The following PDE4D variants were observed in gnomAD, a reference collection of about 807,000 sequenced individuals.
PDE4D encodes the protein 3',5'-cyclic-AMP phosphodiesterase 4D.
A neutral mutation model predicts 87.4 loss-of-function variants in PDE4D; 24 were observed. The observed-to-expected ratio is 0.27, with a 90% CI of 0.20 to 0.39. The LOEUF is 0.39. PDE4D is among the 10% of genes least tolerant of loss of function. The probability of loss-of-function intolerance (pLI) is 1.00; values close to 1 mark genes in which losing one functional copy is unlikely to be tolerated. For synonymous variants in PDE4D, 384 were observed against 383.2 expected (o/e 1.00, Z -0.02); for missense variants, 714 against 1,041.0 (o/e 0.69, Z 4.32).
rs765804658 is a variant in PDE4D, at chr5:58,977,349, T to A, written c.1553-4A>T. ...TACATCAAGGCAAGTTCAGAGTCTG[T>A]AAAAAAGACAAAAGGCCAAAGATCA... On this transcript the variant is annotated splice_region_variant and splice_polypyrimidine_tract_variant and intron_variant, in intron 11 of 14. Coordinates refer to ENST00000340635, the MANE Select transcript of PDE4D (RefSeq NM_001104631.2). The A allele has an allele frequency of 5.0e-6, 8 of 1,600,090 alleles. No individual in the cohort carries two copies. The East Asian group carries it at 1.8e-4, about 36-fold the overall frequency.
At chr5:59,054,455 A>T (rs1762043998) in intron 5 of PDE4D, among the ~76,000 whole-genome samples, 1 of 152,174 alleles carries the variant, frequency 6.6e-6, no homozygotes, top group African/African-American at 2.4e-5. Context: ...TTTTATACCT[A>T]TATTTATTTT....
chr5:60,357,781 A>G (rs1336238024), intron 1 of PDE4D, among the ~76,000 whole-genome samples: 1 of 152,184 alleles, frequency 6.6e-6, no homozygotes, highest in Admixed American at 6.5e-5. Context: ...TGGTAATAAC[A>G]TCAGTAGTAA....
At chr5:59,541,079 A>G (rs1816254999) in intron 1 of PDE4D, among the ~76,000 whole-genome samples, 1 of 152,212 alleles carries the variant, frequency 6.6e-6, no homozygotes, top group South Asian at 2.1e-4. Context: ...CTGAAGAAGC[A>G]AGTGTACCAT....
intron 5 of PDE4D, among the ~76,000 whole-genome samples, chr5:59,137,525 CTTTTTT>C (rs61134818): frequency 1.4e-5 from 2 of 139,600 alleles, no homozygotes; most frequent in East Asian, 4.2e-4. Flanking sequence ...GGGAAAGTTT[CTTTTTT>C]TTTTTTTTTT....
At position 59,491,555 on chromosome 5, in the gene PDE4D, T is replaced by G. The variant is rs74612087; in HGVS notation, c.456-275587A>C. On this transcript the variant is annotated intron_variant, in intron 1 of 14. Coordinates refer to ENST00000340635, the MANE Select transcript of PDE4D (RefSeq NM_001104631.2). ...TAAACATTTTGGAAAGCTTTCTCTG[T>G]AGTCTCATTGTGAATAGTAACTGAT... Among the ~76,000 whole-genome samples the G allele has an allele frequency of 5.8e-3, 878 of 152,316 alleles. 10 individuals are homozygous for G. The highest frequency in any genetic ancestry group is 0.02 in the African/African-American group (811 of 41,582).
At chr5:59,028,744 T>C (rs1756706086) in intron 6 of PDE4D, among the ~76,000 whole-genome samples, 1 of 152,082 alleles carries the variant, frequency 6.6e-6, no homozygotes. Flanking sequence ...AGTGGAGAAA[T>C]CCAACTGAGG....
At chr5:59,743,830 A>G (rs193141031) in intron 1 of PDE4D, among the ~76,000 whole-genome samples, 10 of 152,242 alleles carry the variant, frequency 6.6e-5, no homozygotes, top group Admixed American at 6.5e-4. Flanking sequence ...TCAAATCATT[A>G]CACTTCAATC....
chr5:59,590,048 T>G (rs1395960207), intron 1 of PDE4D, among the ~76,000 whole-genome samples: 1 of 152,106 alleles, frequency 6.6e-6, no homozygotes, highest in Non-Finnish European at 1.5e-5. Flanking sequence ...GACTACACAT[T>G]ATTAAACAAT....
intron 1 of PDE4D, among the ~76,000 whole-genome samples, chr5:59,250,563 AT>A (rs1174454660): frequency 6.6e-6 from 1 of 151,966 alleles, no homozygotes; most frequent in Non-Finnish European, 1.5e-5. Flanking sequence ...GAATATAAAT[AT>A]TTTGTAGATT....
At chr5:59,582,905 A>G (rs1472318951) in intron 1 of PDE4D, among the ~76,000 whole-genome samples, 1 of 152,196 alleles carries the variant, frequency 6.6e-6, no homozygotes, top group Non-Finnish European at 1.5e-5. Flanking sequence ...TAAGCAAATC[A>G]TTAATCACCT....
At chr5:59,495,069 T>G (rs1806917974) in intron 1 of PDE4D, among the ~76,000 whole-genome samples, 1 of 152,150 alleles carries the variant, frequency 6.6e-6, no homozygotes, top group South Asian at 2.1e-4. Flanking sequence ...CCCACCAGTT[T>G]CCTCCCTAGG....
chr5:59,357,650 C>T (rs1417397152), intron 1 of PDE4D, among the ~76,000 whole-genome samples: 1 of 152,178 alleles, frequency 6.6e-6, no homozygotes, highest in East Asian at 1.9e-4. Flanking sequence ...TTTCTTAACT[C>T]TGATAAATCT....
chr5:59,662,819 CTT>C (rs1162014823), intron 1 of PDE4D, among the ~76,000 whole-genome samples: 1 of 152,074 alleles, frequency 6.6e-6, no homozygotes, highest in African/African-American at 2.4e-5. Context: ...AGAAAGATAA[CTT>C]TTACTTCTGC....
chr5:60,232,006 C>T (rs554645189), intron 1 of PDE4D, among the ~76,000 whole-genome samples: 5 of 152,044 alleles, frequency 3.3e-5, no homozygotes, highest in South Asian at 4.1e-4. Context: ...TAAATTCCCT[C>T]TAATCATTCT....
At chr5:60,267,440 A>G (rs1274334711) in intron 1 of PDE4D, among the ~76,000 whole-genome samples, 3 of 152,212 alleles carry the variant, frequency 2.0e-5, no homozygotes, top group Non-Finnish European at 4.4e-5. Context: ...CATACAACCT[A>G]TTTGTTATAG....
chr5:60,464,314 CA>C (rs1349970116), intron 1 of PDE4D, among the ~76,000 whole-genome samples: 1 of 151,962 alleles, frequency 6.6e-6, no homozygotes, highest in Non-Finnish European at 1.5e-5. Flanking sequence ...AGAAATAAGC[CA>C]AAATTTATAA....
chr5:59,607,068 G>A (rs1828309296), intron 1 of PDE4D, among the ~76,000 whole-genome samples: 1 of 151,786 alleles, frequency 6.6e-6, no homozygotes, highest in African/African-American at 2.4e-5. Context: ...TAGAGATATT[G>A]GGAGGCACTT....
chr5:59,440,021 C>G (rs1797361167), intron 1 of PDE4D, among the ~76,000 whole-genome samples: 1 of 152,160 alleles, frequency 6.6e-6, no homozygotes, highest in Non-Finnish European at 1.5e-5. Context: ...TCACCTAGAG[C>G]TTAACCATTA....
intron 1 of PDE4D, among the ~76,000 whole-genome samples, chr5:59,504,341 T>G (rs1037005004): frequency 2.0e-5 from 3 of 152,230 alleles, no homozygotes; most frequent in African/African-American, 7.2e-5. Flanking sequence ...AATTCAATAT[T>G]ATTTTGAGTA....
Sources: allele counts gnomAD v4.1 joint callset (sites outside exome capture counted in the v4.1 genomes callset), GRCh38; gene constraint gnomAD v4.1.1; transcripts MANE v1.5; gene names NCBI Gene and HGNC (gene_info 2026-07-23, HGNC 2026-07-21).